The following CSMD1 variants were observed in gnomAD, a reference collection of about 807,000 sequenced individuals.
The protein encoded by CSMD1 is CUB and sushi domain-containing protein 1.
A neutral mutation model predicts 417.5 loss-of-function variants in CSMD1; 213 were observed. That is an observed-to-expected ratio of 0.51 (90% CI 0.46 to 0.57). CSMD1 has a LOEUF of 0.57. Ranked by LOEUF, CSMD1 falls within the 20% of genes least tolerant of loss-of-function variation. The pLI is 0.00. For missense variants in CSMD1, 6,923 were observed against 4,529.7 expected (o/e 1.53, Z -15.17); for synonymous variants, 2,862 against 1,736.8 (o/e 1.65, Z -16.11).
intron 1 of CSMD1, among the ~76,000 whole-genome samples, chr8:4,661,559 C>G (rs1470372923): frequency 6.6e-6 from 1 of 152,116 alleles, no homozygotes; most frequent in African/African-American, 2.4e-5. Flanking sequence ...TATTCTGTAT[C>G]TCCAATGTGT....
intron 2 of CSMD1, among the ~76,000 whole-genome samples, chr8:4,467,613 C>A (rs780566288): frequency 6.6e-6 from 1 of 152,154 alleles, no homozygotes; most frequent in African/African-American, 2.4e-5. Context: ...TGCATTATAA[C>A]AATTCTTTTC....
At chr8:4,441,036 T>C (rs1274873328) in intron 2 of CSMD1, among the ~76,000 whole-genome samples, 2 of 144,034 alleles carry the variant, frequency 1.4e-5, no homozygotes, top group East Asian at 2.2e-4. Flanking sequence ...AATATATACA[T>C]CTATTATCAT....
At chr8:4,421,183 A>G (rs917752247) in intron 2 of CSMD1, among the ~76,000 whole-genome samples, 37 of 152,200 alleles carry the variant, frequency 2.4e-4, no homozygotes, top group Non-Finnish European at 5.9e-5. Context: ...TTTGTACTTT[A>G]TGTGTTAGCG....
At chr8:3,088,810 CT>C in intron 48 of CSMD1, among the ~76,000 whole-genome samples, 1 of 139,116 alleles carries the variant, frequency 7.2e-6, no homozygotes, top group African/African-American at 2.7e-5. Flanking sequence ...ATCAGGCACC[CT>C]GAATATCAAT....
intron 37 of CSMD1, among the ~76,000 whole-genome samples, chr8:3,180,794 T>C (rs1821273630): frequency 6.6e-6 from 1 of 151,996 alleles, no homozygotes. Context: ...CATGCCCAGC[T>C]AATTTTTTTT....
chr8:3,225,584 G>T (rs1052772742), intron 27 of CSMD1, among the ~76,000 whole-genome samples: 1 of 152,138 alleles, frequency 6.6e-6, no homozygotes, highest in African/African-American at 2.4e-5. Flanking sequence ...CTGCACACAG[G>T]TTTTGTAAGA....
chr8:4,513,766 G>A (rs182217355), intron 2 of CSMD1, among the ~76,000 whole-genome samples: 3 of 152,160 alleles, frequency 2.0e-5, no homozygotes, highest in Admixed American at 6.5e-5. Context: ...AAATTTCGAT[G>A]AAAATAATTA....
intron 23 of CSMD1, among the ~76,000 whole-genome samples, chr8:3,310,116 T>C (rs1038090816): frequency 2.0e-5 from 3 of 152,134 alleles, no homozygotes; most frequent in Non-Finnish European, 4.4e-5. Context: ...GAGGTAGAAA[T>C]TAGGGGGATG....
intron 3 of CSMD1, among the ~76,000 whole-genome samples, chr8:4,156,076 G>C (rs1452307034): frequency 1.3e-5 from 2 of 152,244 alleles, no homozygotes; most frequent in Non-Finnish European, 1.5e-5. Flanking sequence ...AATTGGAATA[G>C]GGCTGGCTGG....
intron 3 of CSMD1, among the ~76,000 whole-genome samples, chr8:4,033,303 G>C (rs537423146): frequency 7.2e-5 from 11 of 151,846 alleles, no homozygotes; most frequent in African/African-American, 1.2e-4. Flanking sequence ...TTAGCCGGGC[G>C]TGGTGGCGGG....
intron 5 of CSMD1, among the ~76,000 whole-genome samples, chr8:3,809,378 G>C (rs1201220820): frequency 2.0e-5 from 3 of 152,152 alleles, no homozygotes; most frequent in Non-Finnish European, 4.4e-5. Context: ...CTACTCACTA[G>C]GCTCTGTTTC....
At chr8:3,678,572 G>A (rs747048218) in intron 7 of CSMD1, among the ~76,000 whole-genome samples, 2 of 152,180 alleles carry the variant, frequency 1.3e-5, no homozygotes, top group Non-Finnish European at 2.9e-5. Context: ...TGGTGTACCT[G>A]AGAGTGACGG....
intron 18 of CSMD1, among the ~76,000 whole-genome samples, chr8:3,384,902 T>C (rs1426363117): frequency 1.6e-5 from 2 of 122,064 alleles, no homozygotes; most frequent in Non-Finnish European, 3.1e-5. Flanking sequence ...ATATATATTA[T>C]ATATGCTTAT....
chr8:4,612,879 T>C (rs931936771), intron 2 of CSMD1, among the ~76,000 whole-genome samples: 7 of 152,214 alleles, frequency 4.6e-5, no homozygotes, highest in Non-Finnish European at 7.3e-5. Context: ...CATACTAGAA[T>C]ACTTTCTTAT....
At chr8:3,875,608 G>A (rs1049898704) in intron 5 of CSMD1, among the ~76,000 whole-genome samples, 1 of 152,180 alleles carries the variant, frequency 6.6e-6, no homozygotes, top group Non-Finnish European at 1.5e-5. Context: ...AGAGGAGGAA[G>A]AGGAGGAGGA....
chr8:3,605,288 A>C (rs2449168), intron 8 of CSMD1, among the ~76,000 whole-genome samples: 115,793 of 152,056 alleles, frequency 0.76, 44,585 homozygotes, highest in Middle Eastern at 0.85. Flanking sequence ...TCGCGCCCAG[A>C]TGAAAGCAAT....
At position 3,099,192 on chromosome 8, in the gene CSMD1, G is replaced by A. The variant is rs924041495; in HGVS notation, c.6950-2155C>T. 4.3e-4 allele frequency among the ~76,000 whole-genome samples: 65 copies of A among 152,048 alleles called. 1 individual carries two copies. The highest frequency in any genetic ancestry group is 2.2e-3 in the Admixed American group (33 of 15,276). ...CAGACCTTACTACAATAAGCAAACC[G>A]CAATTACAAACCATCCAGACCACAC... On this transcript the variant is annotated intron_variant, in intron 46 of 69. Coordinates refer to ENST00000635120, the MANE Select transcript of CSMD1 (RefSeq NM_033225.6).
At chr8:4,989,212 G>C (rs1811335572) in intron 1 of CSMD1, among the ~76,000 whole-genome samples, 1 of 152,098 alleles carries the variant, frequency 6.6e-6, no homozygotes, top group Non-Finnish European at 1.5e-5. Context: ...CATTTCAGTA[G>C]AGCCGAAACA....
chr8:4,120,832 G>A (rs893647803), intron 3 of CSMD1, among the ~76,000 whole-genome samples: 6 of 152,120 alleles, frequency 3.9e-5, no homozygotes, highest in African/African-American at 1.4e-4. Flanking sequence ...ACAAAACAAA[G>A]GAGGGAGAAG....
Sources: gnomAD v4.1 joint callset for allele counts (sites outside exome capture counted in the v4.1 genomes callset) on GRCh38, gnomAD v4.1.1 for gene constraint, MANE v1.5 for transcripts, NCBI Gene and HGNC (gene_info 2026-07-23, HGNC 2026-07-21) for gene names.